The following LCT variants were observed in gnomAD, a reference collection of about 807,000 sequenced individuals.
LCT encodes lactase.
A neutral mutation model predicts 173.0 loss-of-function variants in LCT; 90 were observed. That is an observed-to-expected ratio of 0.52 (90% CI 0.44 to 0.62). The LOEUF (loss-of-function observed/expected upper bound fraction) is 0.62, where lower values mean the gene tolerates loss of function less well. Among genes scored for constraint, LCT ranks in the 20% least tolerant of loss-of-function variants. The pLI is 0.00. For synonymous variants in LCT, 853 were observed against 957.6 expected, an observed-to-expected ratio of 0.89 and a Z score of 2.02; for missense variants, 1,864 against 2,431.4, an observed-to-expected ratio of 0.77 and a Z score of 4.91.
intron 11 of LCT, among the ~76,000 whole-genome samples, chr2:135,801,800 C>T (rs2077629800): frequency 6.6e-6 from 1 of 151,972 alleles, no homozygotes; most frequent in Non-Finnish European, 1.5e-5. Context: ...TCTTGAACTC[C>T]TGACCTCAGG....
chr2:135,833,224 G>A (rs780859908), intron 1 of LCT, 34 bp from the exon 2 acceptor site: 3 of 1,509,860 alleles, frequency 2.0e-6, no homozygotes, highest in African/African-American at 2.8e-5. Flanking sequence ...CAGCAGGTGA[G>A]CGAGGGCAGG....
chr2:135,809,033 T>C lies in LCT; in HGVS notation c.3314A>G (p.Tyr1105Cys). Residue 1105 changes from tyrosine (Y) to cysteine (C), a missense_variant, in exon 8 of 17, where the codon TAT becomes TGT. This residue lies in a region of LCT where 755 missense variants were observed against 926.3 expected (regional missense o/e 0.82). Transcript: ENST00000264162. This position sits in a 1 kb window ranked among gnomAD's most constrained non-coding sequence, Gnocchi z 5.5. ...CCTGTATTTCTCATCGTACGTGTGA[T>C]AGACTCTGGCATGGGCTTTGATGAC... ...HAVIKAHARV[Y>C]HTYDEKYRQE... 2 of 1,612,614 alleles carry C rather than the reference T, an allele frequency of 1.2e-6. No individual in the cohort carries two copies. The highest frequency in any genetic ancestry group is 1.7e-6 in the Non-Finnish European group (2 of 1,179,104).
Position 135,809,678 on chromosome 2 carries a change from T to A in LCT, c.2669A>T (p.Gln890Leu), listed in dbSNP as rs1454613389. ...GAACAAATCTCTTTCGAACTTGGGT[T>A]GGCTGGAGAACTTTTCCCAAACGAC... is the stretch of plus-strand genomic sequence containing the variant. ...AKVVWEKFSSQPKFERDLFYH... is the reference protein window; with the variant it reads ...AKVVWEKFSSLPKFERDLFYH... The change falls in exon 8 of 17, where the codon CAA becomes CTA. Residue 890 changes from glutamine (Q) to leucine (L), a missense_variant. This residue lies in a region of LCT where 755 missense variants were observed against 926.3 expected (regional missense o/e 0.82). Coordinates refer to ENST00000264162, the MANE Select transcript of LCT (RefSeq NM_002299.4). This position sits in a 1 kb window ranked among gnomAD's most constrained non-coding sequence, Gnocchi z 5.5. 5 of 1,614,110 alleles carry A rather than the reference T, an allele frequency of 3.1e-6. No individual in the cohort carries two copies. The highest frequency in any genetic ancestry group is 4.2e-6 in the Non-Finnish European group (5 of 1,180,040).
rs762036968 is a variant in LCT, at chr2:135,788,199, C to T, written c.*125G>A. The T allele has an allele frequency of 3.1e-5, 23 of 747,506 alleles. 1 individual carries two copies. Among genetic ancestry groups the T allele is most frequent in the Admixed American group, 7.7e-5 (4 of 51,782 alleles). 46.3% of individuals were successfully genotyped at this position (747,506 alleles called of 1,614,324 possible). A position where few individuals can be genotyped will look rare whatever the true frequency, so the allele number is the denominator to read the frequency against. ...CATTCAAGATTAAAGTCATCTCTAA[C>T]GGTGCAGCAGGACTTTATGGAGAAG... On this transcript the variant is annotated 3_prime_UTR_variant, in exon 17 of 17. Coordinates refer to ENST00000264162, the MANE Select transcript of LCT (RefSeq NM_002299.4).
rs374623829 is a variant in LCT, at chr2:135,812,371, G to T, written c.2293C>A (p.Leu765Ile). 7.1e-5 allele frequency: 114 copies of T among 1,613,890 alleles called. No individual in the cohort carries two copies. Among genetic ancestry groups the T allele is most frequent in the Non-Finnish European group, 9.3e-5 (110 of 1,179,840 alleles). Residue 765 changes from leucine (L) to isoleucine (I), a missense_variant, in exon 7 of 17, where the codon CTC becomes ATC. Coordinates refer to ENST00000264162, the MANE Select transcript of LCT (RefSeq NM_002299.4). ...NGMPIGESEN[L>I]FDDSLRVDYF... ...TCTACTCTTAAGGAATCATCAAAGAGATTTTCACTTTCCCCTATGGGCATG... is the reference window on the plus strand; with the variant it reads ...TCTACTCTTAAGGAATCATCAAAGATATTTTCACTTTCCCCTATGGGCATG...
intron 3 of LCT, among the ~76,000 whole-genome samples, chr2:135,826,567 TA>T (rs966629645): frequency 7.4e-5 from 11 of 149,410 alleles, no homozygotes; most frequent in South Asian, 2.1e-4. Flanking sequence ...GACTCCATCT[TA>T]AAAAAAAAAT....
At chr2:135,821,559 C>T (rs2077830312) in intron 5 of LCT, 2 of 187,524 alleles carry the variant, frequency 1.1e-5, no homozygotes, top group Non-Finnish European at 2.2e-5. Flanking sequence ...CGGCTCACAG[C>T]ACCTTCTGCC....
Position 135,812,670 on chromosome 2 carries a change from T to C in LCT, c.1994A>G (p.Glu665Gly). 6.2e-7 allele frequency: 1 copy of C among 1,613,392 alleles called. No individual in the cohort carries two copies. The highest frequency in any genetic ancestry group is 1.1e-5 in the South Asian group (1 of 91,084). The change falls in exon 7 of 17, where the codon GAG (glutamate) becomes GGG (glycine). Residue 665 changes from glutamate to glycine, a missense_variant. Physicochemically the swap from Glu to Gly is moderately conservative, Grantham distance 98 (BLOSUM62 -2). This residue lies in a region of LCT where 755 missense variants were observed against 926.3 expected (regional missense o/e 0.82). Coordinates refer to ENST00000264162, the MANE Select transcript of LCT (RefSeq NM_002299.4). ...GAGCTGCTTCTCTGCCTCTGTGAAC[T>C]CGGGGAGTTGAGCCACAGGATGGGA... ...QCSHPVAQLP[E>G]FTEAEKQLLK...
At chr2:135,815,999 C>A (rs2077778829) in intron 6 of LCT, among the ~76,000 whole-genome samples, 1 of 152,148 alleles carries the variant, frequency 6.6e-6, no homozygotes, top group Non-Finnish European at 1.5e-5. Context: ...CCATGCCCGG[C>A]CGGAAATACT....
chr2:135,794,775 C>T lies in LCT; in HGVS notation c.4977G>A (p.Arg1659=), dbSNP rs183637661. 6 of 1,614,184 alleles carry T rather than the reference C, an allele frequency of 3.7e-6. No homozygotes were observed. The Admixed American group carries it at 1.0e-4, about 27-fold the overall frequency. ...TCTCACTCTCTGTAAATTCTGGCAG[C>T]CTGGGTGGAAGAAGCCATTGAGGGC... ...RSLAAGLNKS[R]LPEFTESEKR... Residue 1659 remains arginine, a splice_region_variant and synonymous_variant, in exon 14 of 17, where the codon CGG becomes CGA. Transcript: ENST00000264162.
chr2:135,836,485 G>A (rs764349633), intron 1 of LCT, 45 bp downstream of exon 1: 2 of 1,579,346 alleles, frequency 1.3e-6, no homozygotes, highest in African/African-American at 1.3e-5. Flanking sequence ...GAAGGTGTGT[G>A]ATGAAGGTTG....
intron 10 of LCT, among the ~76,000 whole-genome samples, chr2:135,804,507 C>T (rs1409806625): frequency 6.6e-6 from 1 of 152,166 alleles, no homozygotes; most frequent in Admixed American, 6.5e-5. Context: ...CACAGTGAAA[C>T]CCCGTCTCTA....
chr2:135,826,670 C>G (rs376836619), intron 3 of LCT, among the ~76,000 whole-genome samples: 2 of 152,196 alleles, frequency 1.3e-5, no homozygotes, highest in Non-Finnish European at 2.9e-5. Flanking sequence ...ACGCCACCTC[C>G]GCACAACAGA....
Position 135,818,097 on chromosome 2 carries a change from T to C in LCT, c.987-36A>G, listed in dbSNP as rs2077796680. ...GAAGGGACAAAAAGGGACATAATAA[T>C]GAATGACGCTGGCAGTTACAAATGC... On this transcript the variant is annotated intron_variant, in intron 5 of 16. Coordinates refer to ENST00000264162, the MANE Select transcript of LCT (RefSeq NM_002299.4). 8 of 1,611,904 alleles carry C rather than the reference T, an allele frequency of 5.0e-6. No homozygotes were observed. In the South Asian group the frequency reaches 5.5e-5, roughly 11 times the overall value.
intron 6 of LCT, among the ~76,000 whole-genome samples, chr2:135,815,493 C>T (rs1176538947): frequency 6.6e-6 from 1 of 152,114 alleles, no homozygotes; most frequent in East Asian, 1.9e-4. Context: ...CTCTGACTTA[C>T]GTGCTACAAT....
intron 7 of LCT, among the ~76,000 whole-genome samples, chr2:135,811,283 T>C (rs1174249521): frequency 6.6e-6 from 1 of 152,182 alleles, no homozygotes; most frequent in African/African-American, 2.4e-5. Context: ...CCCCGAAAGA[T>C]ATGTCTAAAT....
chr2:135,817,816 C>T lies in LCT; in HGVS notation c.1232G>A (p.Trp411Ter). Residue 411 changes from tryptophan to a stop codon, truncating the protein, a stop_gained, in exon 6 of 17, where the codon TGG (tryptophan) becomes TAG (stop). Coordinates refer to ENST00000264162, the MANE Select transcript of LCT (RefSeq NM_002299.4). LOFTEE classifies it high-confidence loss of function. ...GGTGTTCAGGGGCCTGCGTGGATCC[C>T]AGATGCTCACCCCTCTCCCACCCTC... The part of the protein sequence containing the change: ...WAEGGRGVSI[W>*]DPRRPLNTTE... 6.2e-7 allele frequency: 1 copy of T among 1,614,038 alleles called. No individual in the cohort carries two copies. Among genetic ancestry groups the T allele is most frequent in the Non-Finnish European group, 8.5e-7 (1 of 1,180,032 alleles).
rs1176207802 is a variant in LCT at position 135,790,507 on chromosome 2, G to A, written c.5335+151C>T. ...TAGGAAGGAAAAAAACTCAGAGTGC[G>A]GCCCTAAAGCAAAGCTTAACCCCCA... On this transcript the variant is annotated intron_variant, in intron 15 of 16. Transcript: ENST00000264162. The surrounding 1 kb of genome is among the most constrained non-coding windows in gnomAD (Gnocchi z 4.1). 1.4e-5 allele frequency: 9 copies of A among 625,492 alleles called. No individual in the cohort carries two copies. The highest frequency in any genetic ancestry group is 3.9e-5 in the South Asian group (2 of 51,224). 38.7% of individuals were successfully genotyped at this position (625,492 alleles called of 1,614,324 possible).
chr2:135,794,423 T>G (rs1433854713), intron 14 of LCT: 2 of 591,824 alleles, frequency 3.4e-6, no homozygotes, highest in Non-Finnish European at 6.0e-6. Flanking sequence ...CAAGCACATG[T>G]GCCCTAATGG....
Sources: gnomAD v4.1 joint callset for allele counts (sites outside exome capture counted in the v4.1 genomes callset) on GRCh38, gnomAD v4.1.1 for gene constraint, gnomAD v4.1.1 regional missense constraint, Gnocchi (gnomAD v3.1) non-coding constraint, MANE v1.5 for transcripts, NCBI Gene and HGNC (gene_info 2026-07-23, HGNC 2026-07-21) for gene names.